FRMD4A: variants seen among roughly 807,000 people sequenced by gnomAD.
FRMD4A encodes FERM domain-containing protein 4A.
A neutral mutation model predicts 129.1 loss-of-function variants in FRMD4A; 29 were observed. That is an observed-to-expected ratio of 0.22 (90% CI 0.17 to 0.31). The LOEUF (loss-of-function observed/expected upper bound fraction) is 0.31. Among genes scored for constraint, FRMD4A ranks in the 10% least tolerant of loss-of-function variants. FRMD4A has a pLI of 1.00. For missense variants in FRMD4A, 1,272 were observed against 1,375.8 expected (o/e 0.92, Z 1.19); for synonymous variants, 634 against 571.6 (o/e 1.11, Z -1.56).
chr10:14,152,769 G>A (rs563676381), intron 2 of FRMD4A, among the ~76,000 whole-genome samples: 1 of 152,280 alleles, frequency 6.6e-6, no homozygotes, highest in African/African-American at 2.4e-5. Flanking sequence ...GAGCCTAGGA[G>A]GTTGAGGCTG....
chr10:13,870,566 C>T (rs957324025), intron 2 of FRMD4A, among the ~76,000 whole-genome samples: 1 of 152,178 alleles, frequency 6.6e-6, no homozygotes, highest in Non-Finnish European at 1.5e-5. Flanking sequence ...CCCAAGGAGC[C>T]GTGGTCCTGT....
At chr10:13,807,350 T>A (rs566701158) in intron 4 of FRMD4A, among the ~76,000 whole-genome samples, 28 of 152,348 alleles carry the variant, frequency 1.8e-4, no homozygotes, top group Admixed American at 5.2e-4. Flanking sequence ...AGTCTGTAGT[T>A]TAGTTAGTAA....
At chr10:14,062,020 G>C (rs1289735283) in intron 2 of FRMD4A, among the ~76,000 whole-genome samples, 1 of 118,162 alleles carries the variant, frequency 8.5e-6, no homozygotes, top group Non-Finnish European at 1.7e-5. Context: ...AACTCAAAAT[G>C]TGCATACCCT....
intron 12 of FRMD4A, among the ~76,000 whole-genome samples, chr10:13,730,857 T>TAAAAAA (rs2090270997): frequency 1.3e-4 from 2 of 14,834 alleles, no homozygotes; most frequent in African/African-American, 2.4e-4. Flanking sequence ...CTACTAAAAA[T>TAAAAAA]ACAAAAAAAA....
chr10:13,734,035 T>A (rs150279421), intron 12 of FRMD4A, among the ~76,000 whole-genome samples: 1 of 152,226 alleles, frequency 6.6e-6, no homozygotes, highest in Non-Finnish European at 1.5e-5. Context: ...CCGCGTTGCA[T>A]GTCCTAAGCT....
At chr10:14,195,669 C>T (rs1842452743) in intron 2 of FRMD4A, among the ~76,000 whole-genome samples, 2 of 152,224 alleles carry the variant, frequency 1.3e-5, no homozygotes, top group African/African-American at 4.8e-5. Flanking sequence ...CAGTTTCTTA[C>T]ATGATTCCCA....
At chr10:14,128,046 C>CTCTTTCTTCCTTTCTT (rs1839006859) in intron 2 of FRMD4A, among the ~76,000 whole-genome samples, 1 of 77,970 alleles carries the variant, frequency 1.3e-5, no homozygotes, top group African/African-American at 5.4e-5. Context: ...CTTTCTTTCC[C>CTCTTTCTTCCTTTCTT]TCTTTCTTTC....
chr10:13,726,580 G>A (rs1315188910), intron 12 of FRMD4A, among the ~76,000 whole-genome samples: 3 of 152,206 alleles, frequency 2.0e-5, no homozygotes, highest in Non-Finnish European at 2.9e-5. Context: ...AGATTGCGGA[G>A]TCCCATCCTC....
intron 2 of FRMD4A, among the ~76,000 whole-genome samples, chr10:14,216,162 G>A (rs750245937): frequency 6.6e-6 from 1 of 152,070 alleles, no homozygotes; most frequent in Non-Finnish European, 1.5e-5. Flanking sequence ...TTCCGTCCCG[G>A]GGTCTGAGAT....
At chr10:13,865,599 C>T (rs753818236) in intron 2 of FRMD4A, among the ~76,000 whole-genome samples, 5 of 151,862 alleles carry the variant, frequency 3.3e-5, no homozygotes, top group Non-Finnish European at 7.4e-5. Context: ...TACAGGCACA[C>T]ACCACCATGC....
At chr10:13,988,042 T>TA (rs569600131) in intron 2 of FRMD4A, among the ~76,000 whole-genome samples, 4 of 151,964 alleles carry the variant, frequency 2.6e-5, no homozygotes, top group East Asian at 3.9e-4. Flanking sequence ...CGCTAGAAAA[T>TA]AAAAAAAATC....
At chr10:14,116,495 C>A (rs1838204764) in intron 2 of FRMD4A, among the ~76,000 whole-genome samples, 1 of 152,128 alleles carries the variant, frequency 6.6e-6, no homozygotes, top group Admixed American at 6.6e-5. Context: ...CTTTGCTTGC[C>A]TTGGGGTCCA....
At chr10:13,932,259 A>G (rs74125111) in intron 2 of FRMD4A, among the ~76,000 whole-genome samples, 2,037 of 152,324 alleles carry the variant, frequency 0.013, 51 homozygotes, top group African/African-American at 0.047. Flanking sequence ...TGTTTGTTCA[A>G]TGAAAGTTGA....
In FRMD4A at chr10:13,821,984, G is replaced by A. The variant is rs2093636082; in HGVS notation, c.112-11076C>T. ...GAGCAGGTCTCGAAGATCCGAAGCA[G>A]GAAGGAAAGAAACAAAGTACATCAA... On this transcript the variant is annotated intron_variant, in intron 3 of 24. Coordinates refer to ENST00000357447, the MANE Select transcript of FRMD4A (RefSeq NM_018027.5). The surrounding 1 kb of genome is among the most constrained non-coding windows in gnomAD (Gnocchi z 4.3). Among the ~76,000 whole-genome samples the A allele has an allele frequency of 6.6e-6, 1 of 151,990 alleles. No homozygotes were observed. Among genetic ancestry groups the A allele is most frequent in the Admixed American group, 6.6e-5 (1 of 15,258 alleles).
chr10:14,313,286 C>G (rs1326684316), intron 2 of FRMD4A, among the ~76,000 whole-genome samples: 1 of 152,012 alleles, frequency 6.6e-6, no homozygotes, highest in Non-Finnish European at 1.5e-5. Context: ...TCACTTGACC[C>G]CAGGATGTTG....
At chr10:14,025,301 T>TC (rs1832937955) in intron 2 of FRMD4A, among the ~76,000 whole-genome samples, 1 of 148,758 alleles carries the variant, frequency 6.7e-6, no homozygotes, top group African/African-American at 2.5e-5. Flanking sequence ...AAAGTTTGCT[T>TC]TTTTTTTTTA....
intron 2 of FRMD4A, among the ~76,000 whole-genome samples, chr10:13,952,884 A>AG (rs2095382912): frequency 6.6e-6 from 1 of 151,296 alleles, no homozygotes; most frequent in African/African-American, 2.4e-5. Context: ...TTAGTAGAGA[A>AG]GGGGTTTCGC....
chr10:13,965,797 TTCTC>T (rs2095481926), intron 2 of FRMD4A, among the ~76,000 whole-genome samples: 1 of 152,244 alleles, frequency 6.6e-6, no homozygotes, highest in South Asian at 2.1e-4. Flanking sequence ...TAGCTTTCTC[TTCTC>T]TCTCTGTAGA....
intron 2 of FRMD4A, among the ~76,000 whole-genome samples, chr10:14,184,391 C>T (rs1041471629): frequency 6.7e-5 from 10 of 149,354 alleles, no homozygotes; most frequent in South Asian, 4.3e-4. Flanking sequence ...GGATTACAGG[C>T]GTGAGCCACT....
Sources: allele counts gnomAD v4.1 joint callset (sites outside exome capture counted in the v4.1 genomes callset), GRCh38; gene constraint gnomAD v4.1.1; non-coding constraint Gnocchi (gnomAD v3.1); transcripts MANE v1.5; gene names NCBI Gene and HGNC (gene_info 2026-07-23, HGNC 2026-07-21).